Variants in DCC observed in about 807,000 individuals in gnomAD.
DCC encodes DCC netrin 1 receptor.
DCC carries 58 observed loss-of-function variants against 172.5 expected under a neutral mutation model. That is an observed-to-expected ratio of 0.34 (90% CI 0.27 to 0.42). The LOEUF (loss-of-function observed/expected upper bound fraction) is 0.42. Ranked by LOEUF, DCC falls within the 10% of genes least tolerant of loss-of-function variation. The probability of loss-of-function intolerance (pLI) is 1.00; values close to 1 mark genes in which losing one functional copy is unlikely to be tolerated. For synonymous variants in DCC, 709 were observed against 644.5 expected (o/e 1.10, Z -1.52); for missense variants, 1,740 against 1,791.0 (o/e 0.97, Z 0.51).
chr18:53,253,595 T>C (rs2056468494), intron 12 of DCC, among the ~76,000 whole-genome samples: 1 of 152,096 alleles, frequency 6.6e-6, no homozygotes, highest in African/African-American at 2.4e-5. Flanking sequence ...TGCCCTTCTC[T>C]AAGCAGTTGA....
At chr18:52,437,635 A>C (rs985763383) in intron 1 of DCC, among the ~76,000 whole-genome samples, 2 of 152,190 alleles carry the variant, frequency 1.3e-5, no homozygotes, top group Non-Finnish European at 2.9e-5. Flanking sequence ...TATTGTTGTA[A>C]GAGGAAAGAA....
At chr18:52,699,100 G>A (rs1484496875) in intron 1 of DCC, among the ~76,000 whole-genome samples, 1 of 152,104 alleles carries the variant, frequency 6.6e-6, no homozygotes, top group Non-Finnish European at 1.5e-5. Flanking sequence ...GGCTTTAAAG[G>A]GAAAATAAAT....
At chr18:53,311,956 G>A (rs1266106836) in intron 13 of DCC, among the ~76,000 whole-genome samples, 1 of 152,126 alleles carries the variant, frequency 6.6e-6, no homozygotes, top group South Asian at 2.1e-4. Context: ...GTATTAAAAG[G>A]GATAGGAGAA....
At chr18:52,944,792 G>C (rs1238683551) in intron 5 of DCC, among the ~76,000 whole-genome samples, 1 of 152,178 alleles carries the variant, frequency 6.6e-6, no homozygotes, top group Admixed American at 6.5e-5. Context: ...ACTTGATCAA[G>C]GGTCATTTAG....
chr18:52,617,904 C>T (rs2034413923), intron 1 of DCC, among the ~76,000 whole-genome samples: 1 of 152,132 alleles, frequency 6.6e-6, no homozygotes, highest in Non-Finnish European at 1.5e-5. Flanking sequence ...CAAGTAACTT[C>T]TCATTCATTT....
At chr18:52,841,104 G>C (rs2038798237) in intron 2 of DCC, among the ~76,000 whole-genome samples, 1 of 152,104 alleles carries the variant, frequency 6.6e-6, no homozygotes, top group African/African-American at 2.4e-5. Context: ...CTGTATCTCA[G>C]AGTAGGAAAG....
At chr18:52,366,246 C>T (rs1019481877) in intron 1 of DCC, among the ~76,000 whole-genome samples, 6 of 152,078 alleles carry the variant, frequency 3.9e-5, no homozygotes, top group Non-Finnish European at 7.4e-5. Context: ...AATGAAGCCA[C>T]GGACCCTCGC....
At chr18:53,085,228 G>T (rs1265551072) in intron 7 of DCC, among the ~76,000 whole-genome samples, 2 of 152,130 alleles carry the variant, frequency 1.3e-5, no homozygotes, top group Non-Finnish European at 2.9e-5. Flanking sequence ...ATAAGTGAAG[G>T]CCAAGGGTTA....
chr18:52,497,277 A>AT (rs2030806932), intron 1 of DCC, among the ~76,000 whole-genome samples: 2 of 34,772 alleles, frequency 5.8e-5, no homozygotes, highest in African/African-American at 2.2e-4. Flanking sequence ...AAAAAAAAAA[A>AT]AAAATATATA....
chr18:53,499,601 C>T, intron 27 of DCC, 91 bp downstream of exon 27: 2 of 1,042,412 alleles, frequency 1.9e-6, no homozygotes, highest in Non-Finnish European at 3.0e-6. Context: ...GCCTAGATGT[C>T]ATATATCTTT....
intron 1 of DCC, among the ~76,000 whole-genome samples, chr18:52,594,755 G>A (rs1346096914): frequency 3.3e-5 from 5 of 152,098 alleles, no homozygotes; most frequent in African/African-American, 7.3e-5. Flanking sequence ...GCAAAAACAG[G>A]AGCAAGAGAG....
chr18:52,926,205 A>C (rs1487029438), intron 5 of DCC, among the ~76,000 whole-genome samples: 1 of 151,920 alleles, frequency 6.6e-6, no homozygotes, highest in African/African-American at 2.4e-5. Flanking sequence ...TTATTAAGTA[A>C]AAATGAAAAT....
chr18:52,703,508 T>G (rs2036158956), intron 1 of DCC, among the ~76,000 whole-genome samples: 1 of 152,126 alleles, frequency 6.6e-6, no homozygotes, highest in Non-Finnish European at 1.5e-5. Flanking sequence ...TATTATTTTT[T>G]TAGCCTCTTA....
chr18:52,844,320 GCAGACAGA>G (rs10643611), intron 2 of DCC, among the ~76,000 whole-genome samples: 11 of 151,246 alleles, frequency 7.3e-5, no homozygotes, highest in Non-Finnish European at 1.3e-4. Flanking sequence ...ACATAGATAG[GCAGACAGA>G]CAGACAGACA....
At chr18:53,050,463 G>T (rs1286996676) in intron 5 of DCC, among the ~76,000 whole-genome samples, 1 of 152,018 alleles carries the variant, frequency 6.6e-6, no homozygotes, top group Non-Finnish European at 1.5e-5. Flanking sequence ...GCAGCGATTT[G>T]TAATTCTTGT....
intron 20 of DCC, 80 bp downstream of exon 20, chr18:53,410,726 C>A: frequency 3.4e-6 from 3 of 879,646 alleles, no homozygotes; most frequent in Non-Finnish European, 5.8e-6. Flanking sequence ...TTAGAAATGG[C>A]CCTGCACCAT....
chr18:52,941,545 C>T (rs976029756), intron 5 of DCC, among the ~76,000 whole-genome samples: 19 of 151,070 alleles, frequency 1.3e-4, no homozygotes, highest in African/African-American at 2.9e-4. Context: ...TGTAAAAATG[C>T]GCTCATATAC....
At chr18:53,226,039 T>G (rs2144603441) in intron 12 of DCC, among the ~76,000 whole-genome samples, 1 of 152,238 alleles carries the variant, frequency 6.6e-6, no homozygotes, top group African/African-American at 2.4e-5. Flanking sequence ...TATCCCAATT[T>G]TACAGAGAGA....
intron 2 of DCC, among the ~76,000 whole-genome samples, chr18:52,830,042 G>A (rs561913622): frequency 6.6e-6 from 1 of 152,210 alleles, no homozygotes; most frequent in South Asian, 2.1e-4. Context: ...AGAGCCAGCA[G>A]GTACAAAGTT....
Sources: gnomAD v4.1 joint callset for allele counts (sites outside exome capture counted in the v4.1 genomes callset) on GRCh38, gnomAD v4.1.1 for gene constraint, MANE v1.5 for transcripts, NCBI Gene and HGNC (gene_info 2026-07-23, HGNC 2026-07-21) for gene names.